Variants in SFMBT2 observed in about 807,000 individuals in gnomAD.
The protein encoded by SFMBT2 is scm-like with four MBT domains protein 2.
In SFMBT2, 38 loss-of-function variants were observed where a neutral mutation model predicts 110.1. The ratio of observed to expected loss-of-function variants is 0.35; its 90% CI spans 0.27 to 0.45. The LOEUF is 0.45. SFMBT2 is among the 20% of genes least tolerant of loss of function. SFMBT2 has a pLI of 1.00. For synonymous variants in SFMBT2, 425 were observed against 425.4 expected (o/e 1.00, Z 0.01); for missense variants, 1,011 against 1,094.9 (o/e 0.92, Z 1.08).
intron 7 of SFMBT2, 71 bp downstream of exon 7, chr10:7,276,821 C>A: frequency 2.5e-6 from 2 of 791,384 alleles, no homozygotes; most frequent in Non-Finnish European, 2.3e-6. Context: ...CCACTGCGCC[C>A]GGCCGGAAAA....
At chr10:7,228,791 TC>T in intron 9 of SFMBT2, among the ~76,000 whole-genome samples, 2 of 93,464 alleles carry the variant, frequency 2.1e-5, no homozygotes, top group Non-Finnish European at 3.0e-5. Context: ...TCCCCCTCCC[TC>T]TCTCTCTCTC....
intron 1 of SFMBT2, among the ~76,000 whole-genome samples, chr10:7,382,936 G>A (rs577372382): frequency 6.6e-6 from 1 of 152,286 alleles, no homozygotes; most frequent in South Asian, 2.1e-4. Context: ...GATACCAGGA[G>A]TAATCGTTAA....
At chr10:7,174,270 C>T (rs985094100) in intron 17 of SFMBT2, among the ~76,000 whole-genome samples, 13 of 152,196 alleles carry the variant, frequency 8.5e-5, no homozygotes, top group Non-Finnish European at 1.2e-4. Flanking sequence ...TCTCCAGGTA[C>T]GGGGCAAATG....
intron 4 of SFMBT2, among the ~76,000 whole-genome samples, chr10:7,312,234 A>T (rs764035474): frequency 2.0e-5 from 3 of 152,208 alleles, no homozygotes; most frequent in Non-Finnish European, 2.9e-5. Context: ...AATTTAAAAA[A>T]AAAATTGCAC....
At chr10:7,234,548 G>GT (rs2131693923) in intron 9 of SFMBT2, among the ~76,000 whole-genome samples, 1 of 152,210 alleles carries the variant, frequency 6.6e-6, no homozygotes, top group Admixed American at 6.5e-5. Flanking sequence ...TCAACAATCA[G>GT]AAGTATTTTC....
chr10:7,351,834 G>T (rs534081907), intron 4 of SFMBT2, among the ~76,000 whole-genome samples: 1 of 151,178 alleles, frequency 6.6e-6, no homozygotes, highest in Non-Finnish European at 1.5e-5. Context: ...CCACTCATAC[G>T]GCCCTTTGTC....
rs1228103064 is a variant in SFMBT2 at position 7,176,062 on chromosome 10, T to G, written c.1912A>C (p.Asn638His). ...RVCAKLECCPNLFSPVLISEN... is the reference protein window; with the variant it reads ...RVCAKLECCPHLFSPVLISEN... ...GATATCAGCACAGGACTAAACAAATTTGGACAGCACTCTAGCTTGGCACAG... is the reference window on the plus strand; with the variant it reads ...GATATCAGCACAGGACTAAACAAATGTGGACAGCACTCTAGCTTGGCACAG... Residue 638 changes from asparagine to histidine, a missense_variant, in exon 17 of 21, where the codon AAT becomes CAT. Asn to His is a moderately conservative substitution (Grantham distance 68). Coordinates refer to ENST00000397167, the MANE Select transcript of SFMBT2 (RefSeq NM_001387889.1). The G allele has an allele frequency of 1.2e-6, 2 of 1,614,150 alleles. No homozygotes were observed. The highest frequency in any genetic ancestry group is 2.2e-5 in the East Asian group (1 of 44,884).
Position 7,367,131 on chromosome 10 carries a change from C to T in SFMBT2, c.436+518G>A, listed in dbSNP as rs1019564056. On this transcript the variant is annotated intron_variant, in intron 4 of 20. Coordinates refer to ENST00000397167, the MANE Select transcript of SFMBT2 (RefSeq NM_001387889.1). This position sits in a 1 kb window ranked among gnomAD's most constrained non-coding sequence, Gnocchi z 6.2. ...CAAGTGCTGTATGGTTTTCTAAAAG[C>T]TTGACACCCTGACAGTCTCCCAACA... Among the ~76,000 whole-genome samples the T allele has an allele frequency of 1.3e-5, 2 of 151,280 alleles. No homozygotes were observed. Among genetic ancestry groups the T allele is most frequent in the African/African-American group, 4.9e-5 (2 of 41,104 alleles).
chr10:7,387,777 GA>G (rs34684925), intron 1 of SFMBT2, among the ~76,000 whole-genome samples: 20,205 of 123,228 alleles, frequency 0.16, 2,619 homozygotes, highest in African/African-American at 0.38. Context: ...TTAAAAATAG[GA>G]AAAAAAAAAA....
intron 8 of SFMBT2, among the ~76,000 whole-genome samples, chr10:7,245,435 G>A (rs779442267): frequency 2.6e-5 from 4 of 152,166 alleles, no homozygotes; most frequent in African/African-American, 7.2e-5. Context: ...TTCCACAACC[G>A]TTAAAATGCA....
At chr10:7,409,947 C>T (rs1846327707) in intron 1 of SFMBT2, among the ~76,000 whole-genome samples, 1 of 151,790 alleles carries the variant, frequency 6.6e-6, no homozygotes, top group Non-Finnish European at 1.5e-5. Context: ...CCAGGATCCC[C>T]CAGCTCCCTC....
chr10:7,242,007 T>TAGATATG (rs1205459887), intron 9 of SFMBT2, among the ~76,000 whole-genome samples: 6 of 152,290 alleles, frequency 3.9e-5, no homozygotes, highest in African/African-American at 1.4e-4. Context: ...AAAGTTTTCC[T>TAGATATG]TCAATGACAC....
chr10:7,319,183 G>T (rs1384817010), intron 4 of SFMBT2, among the ~76,000 whole-genome samples: 1 of 152,206 alleles, frequency 6.6e-6, no homozygotes, highest in South Asian at 2.1e-4. Flanking sequence ...ACGTAAGTCC[G>T]CTGGCAAGGA....
chr10:7,269,941 G>A (rs902861044), intron 7 of SFMBT2, among the ~76,000 whole-genome samples: 7 of 151,648 alleles, frequency 4.6e-5, no homozygotes, highest in African/African-American at 1.7e-4. Flanking sequence ...AGTCAGTAGA[G>A]AGTGCCACTG....
intron 12 of SFMBT2, chr10:7,202,910 T>C (rs996723815): frequency 3.0e-6 from 3 of 985,332 alleles, no homozygotes; most frequent in Admixed American, 6.1e-5. Context: ...ATCATGTTAC[T>C]ATCACAGCAC....
intron 4 of SFMBT2, among the ~76,000 whole-genome samples, chr10:7,326,600 A>G (rs1208299786): frequency 6.6e-6 from 1 of 152,254 alleles, no homozygotes; most frequent in Non-Finnish European, 1.5e-5. Context: ...AGTAATACAA[A>G]TACTAATAAT....
intron 7 of SFMBT2, among the ~76,000 whole-genome samples, chr10:7,253,088 T>C (rs867318583): frequency 2.0e-5 from 3 of 152,124 alleles, no homozygotes; most frequent in Non-Finnish European, 2.9e-5. Flanking sequence ...AACACTTCCA[T>C]GTGCCAGGAG....
In SFMBT2 at chr10:7,352,588, C is replaced by T. The variant is rs201395722; in HGVS notation, c.436+15061G>A. Among the ~76,000 whole-genome samples the T allele has an allele frequency of 3.3e-5, 5 of 152,258 alleles. No homozygotes were observed. The East Asian group carries it at 9.6e-4, about 29-fold the overall frequency. ...AAAGAAATGCTATCTCAGAGAAGTC[C>T]CCACCCAGAATAGAGGAGTCATATT... On this transcript the variant is annotated intron_variant, in intron 4 of 20. Coordinates refer to ENST00000397167, the MANE Select transcript of SFMBT2 (RefSeq NM_001387889.1).
intron 4 of SFMBT2, among the ~76,000 whole-genome samples, chr10:7,318,607 CA>C (rs1843082612): frequency 6.6e-6 from 1 of 152,178 alleles, no homozygotes; most frequent in African/African-American, 2.4e-5. Context: ...CCTTGAGCCA[CA>C]ATATGACACA....
Sources: allele counts gnomAD v4.1 joint callset (sites outside exome capture counted in the v4.1 genomes callset), GRCh38; gene constraint gnomAD v4.1.1; non-coding constraint Gnocchi (gnomAD v3.1); transcripts MANE v1.5; gene names NCBI Gene and HGNC (gene_info 2026-07-23, HGNC 2026-07-21).